The following SLC25A12 variants were observed in gnomAD, a reference collection of about 807,000 sequenced individuals.
SLC25A12 encodes electrogenic aspartate/glutamate antiporter SLC25A12, mitochondrial.
SLC25A12 carries 32 observed loss-of-function variants against 83.3 expected under a neutral mutation model. The observed-to-expected ratio is 0.38, with a 90% CI of 0.29 to 0.52. The LOEUF is 0.52. Among genes scored for constraint, SLC25A12 ranks in the 20% least tolerant of loss-of-function variants. SLC25A12 has a pLI of 0.84. For synonymous variants in SLC25A12, 267 were observed against 291.1 expected, an observed-to-expected ratio of 0.92 and a Z score of 0.84; for missense variants, 611 against 835.6, an observed-to-expected ratio of 0.73 and a Z score of 3.31.
intron 13 of SLC25A12, among the ~76,000 whole-genome samples, chr2:171,801,021 T>C (rs891580890): frequency 6.6e-6 from 1 of 152,204 alleles, no homozygotes; most frequent in Non-Finnish European, 1.5e-5. Context: ...GGTGATTACA[T>C]GGGTGTATAC....
At chr2:171,812,426 A>C (rs968901254) in intron 11 of SLC25A12, among the ~76,000 whole-genome samples, 3 of 152,178 alleles carry the variant, frequency 2.0e-5, no homozygotes, top group Middle Eastern at 3.2e-3. Flanking sequence ...TGTATGTGCA[A>C]ACAAACAAGT....
intron 13 of SLC25A12, among the ~76,000 whole-genome samples, chr2:171,794,073 C>T (rs575604103): frequency 7.9e-5 from 12 of 152,138 alleles, no homozygotes; most frequent in African/African-American, 2.7e-4. Flanking sequence ...CAAAATAAAC[C>T]CATTTGGAAA....
At chr2:171,862,583 T>C (rs1332108684) in intron 3 of SLC25A12, among the ~76,000 whole-genome samples, 2 of 152,058 alleles carry the variant, frequency 1.3e-5, no homozygotes, top group East Asian at 1.9e-4. Context: ...CCGGAAAACA[T>C]GGGGGAAGGA....
chr2:171,819,373 A>G (rs1452882627), intron 9 of SLC25A12, among the ~76,000 whole-genome samples: 1 of 44,546 alleles, frequency 2.2e-5, no homozygotes, highest in African/African-American at 5.4e-5. Flanking sequence ...TATATATAAT[A>G]TATTATATAT....
intron 5 of SLC25A12, among the ~76,000 whole-genome samples, chr2:171,839,018 C>T (rs533553739): frequency 3.9e-5 from 6 of 152,012 alleles, no homozygotes; most frequent in African/African-American, 1.4e-4. Flanking sequence ...TACATATATG[C>T]GGCTCTCAGT....
chr2:171,845,693 G>A (rs1005876856), intron 4 of SLC25A12: 6 of 340,060 alleles, frequency 1.8e-5, no homozygotes, highest in Non-Finnish European at 3.6e-5. Flanking sequence ...TACTGGGATA[G>A]GGGAATGTAA....
At chr2:171,827,332 T>A (rs896179207) in intron 8 of SLC25A12, among the ~76,000 whole-genome samples, 3 of 152,100 alleles carry the variant, frequency 2.0e-5, no homozygotes, top group Admixed American at 6.5e-5. Flanking sequence ...ATATGTTCTT[T>A]CCAACCCTTT....
At chr2:171,821,140 G>A (rs1212056709) in intron 9 of SLC25A12, among the ~76,000 whole-genome samples, 2 of 141,064 alleles carry the variant, frequency 1.4e-5, no homozygotes, top group African/African-American at 5.3e-5. Flanking sequence ...AGCAATTCTC[G>A]TGCCTCAGCC....
intron 11 of SLC25A12, among the ~76,000 whole-genome samples, chr2:171,812,153 G>C (rs1450134364): frequency 1.3e-5 from 2 of 152,170 alleles, no homozygotes; most frequent in African/African-American, 4.8e-5. Flanking sequence ...CAGGGTACTT[G>C]AGCCTAGTTT....
intron 5 of SLC25A12, among the ~76,000 whole-genome samples, chr2:171,843,668 T>G (rs569495488): frequency 1.5e-4 from 23 of 151,944 alleles, no homozygotes; most frequent in Non-Finnish European, 2.2e-4. Flanking sequence ...CCAATAGTAT[T>G]TACAAAATTA....
At chr2:171,876,745 T>G (rs1685583822) in intron 2 of SLC25A12, among the ~76,000 whole-genome samples, 1 of 152,244 alleles carries the variant, frequency 6.6e-6, no homozygotes, top group Non-Finnish European at 1.5e-5. Context: ...ATTTTCATTT[T>G]GTTCCTGTGT....
chr2:171,848,958 G>A (rs544170712), intron 4 of SLC25A12, among the ~76,000 whole-genome samples: 3 of 152,336 alleles, frequency 2.0e-5, no homozygotes, highest in African/African-American at 7.2e-5. Flanking sequence ...GGGAGGCCAA[G>A]GCAGGTGGAT....
chr2:171,864,853 A>G (rs1685251046), intron 3 of SLC25A12, among the ~76,000 whole-genome samples: 1 of 152,106 alleles, frequency 6.6e-6, no homozygotes, highest in Admixed American at 6.6e-5. Flanking sequence ...TCCTTTGTTT[A>G]GTCATTTTCT....
intron 2 of SLC25A12, among the ~76,000 whole-genome samples, chr2:171,888,434 A>AT (rs1286688337): frequency 6.6e-6 from 1 of 150,792 alleles, no homozygotes; most frequent in African/African-American, 2.4e-5. Flanking sequence ...ATATATATAT[A>AT]TTTTTTTAAT....
chr2:171,798,643 AACAG>A (rs1469381841), intron 13 of SLC25A12, among the ~76,000 whole-genome samples: 1 of 152,202 alleles, frequency 6.6e-6, no homozygotes, highest in Non-Finnish European at 1.5e-5. Context: ...GAGGAACAGG[AACAG>A]ACAGTGACTC....
In SLC25A12 at chr2:171,785,033, ATTC is replaced by A; in HGVS notation, c.*238_*240del. On this transcript the variant is annotated 3_prime_UTR_variant, in exon 18 of 18. Transcript: ENST00000422440. ...GTGCAAAGCAGAGTCTAGAACACTA[ATTC>A]ATGCCAAGGCTTACAAAAACATTTC... 1 of 467,866 alleles carries A rather than the reference ATTC, an allele frequency of 2.1e-6. No individual in the cohort carries two copies. Among genetic ancestry groups the A allele is most frequent in the Admixed American group, 3.2e-5 (1 of 31,076 alleles). 29.0% of individuals were successfully genotyped at this position (467,866 alleles called of 1,614,324 possible).
At chr2:171,886,082 A>G (rs778563654) in intron 2 of SLC25A12, among the ~76,000 whole-genome samples, 3 of 152,166 alleles carry the variant, frequency 2.0e-5, no homozygotes, top group Non-Finnish European at 4.4e-5. Flanking sequence ...TGCTATATAT[A>G]CTTATTTGCA....
intron 4 of SLC25A12, among the ~76,000 whole-genome samples, chr2:171,853,691 A>T (rs1684983509): frequency 1.3e-5 from 2 of 152,324 alleles, no homozygotes; most frequent in Admixed American, 6.5e-5. Flanking sequence ...CAAAAAAAAA[A>T]AACTAAAGTT....
At chr2:171,819,586 A>G (rs922750921) in intron 9 of SLC25A12, among the ~76,000 whole-genome samples, 2 of 149,622 alleles carry the variant, frequency 1.3e-5, no homozygotes, top group Admixed American at 1.4e-4. Flanking sequence ...TAATAATTTA[A>G]ATGAGTTAAA....
Sources: gnomAD v4.1 joint callset for allele counts (sites outside exome capture counted in the v4.1 genomes callset) on GRCh38, gnomAD v4.1.1 for gene constraint, MANE v1.5 for transcripts, NCBI Gene and HGNC (gene_info 2026-07-23, HGNC 2026-07-21) for gene names.